GBP2: variants seen among roughly 807,000 people sequenced by gnomAD.
GBP2 encodes the protein guanylate binding protein 2.
In GBP2, 54 loss-of-function variants were observed where a neutral mutation model predicts 60.8. That is an observed-to-expected ratio of 0.89 (90% confidence interval 0.71 to 1.11). The LOEUF is 1.11. Ranked by LOEUF, GBP2 falls within the 50% of genes most tolerant of loss-of-function variation. GBP2 has a pLI of 0.00. For synonymous variants in GBP2, 243 were observed against 256.5 expected (o/e 0.95, Z 0.50); for missense variants, 665 against 703.3 (o/e 0.95, Z 0.62).
chr1:89,122,423 T>C (rs750896605), intron 1 of GBP2, among the ~76,000 whole-genome samples: 1 of 152,232 alleles, frequency 6.6e-6, no homozygotes, highest in Non-Finnish European at 1.5e-5. Flanking sequence ...TCTTTGATAG[T>C]TCCTTATTCT....
intron 8 of GBP2, among the ~76,000 whole-genome samples, chr1:89,111,590 T>G (rs1396272011): frequency 1.5e-5 from 2 of 129,168 alleles, no homozygotes; most frequent in East Asian, 4.4e-4. Flanking sequence ...TTCATGAAGA[T>G]AGAGAGTAGA....
At chr1:89,113,393 G>C (rs1282154240) in intron 7 of GBP2, among the ~76,000 whole-genome samples, 3 of 152,102 alleles carry the variant, frequency 2.0e-5, no homozygotes, top group Non-Finnish European at 4.4e-5. Context: ...TCCTCCTTAG[G>C]TTGGAAGGGT....
chr1:89,111,886 T>C (rs1235675443), intron 8 of GBP2, among the ~76,000 whole-genome samples: 1 of 152,228 alleles, frequency 6.6e-6, no homozygotes, highest in Non-Finnish European at 1.5e-5. Context: ...GTGCATTTCA[T>C]ACTTATATCA....
rs1405132709 is a variant in GBP2 at position 89,123,471 on chromosome 1, T to C, written c.-17-1488A>G. ...TTCCCCTTGTTTTTAAAATCTTTTCTCTGAGTGTGTCATTATACATAATAA... is the reference window on the plus strand; with the variant it reads ...TTCCCCTTGTTTTTAAAATCTTTTCCCTGAGTGTGTCATTATACATAATAA... On this transcript the variant is annotated intron_variant, in intron 1 of 10. Transcript: ENST00000370466. Among the ~76,000 whole-genome samples, 7 of 152,218 alleles carry C rather than the reference T, an allele frequency of 4.6e-5. No homozygotes were observed. In the East Asian group the frequency reaches 1.3e-3, roughly 29 times the overall value.
In GBP2 at chr1:89,114,261, T is replaced by C. The variant is rs201904193; in HGVS notation, c.904A>G (p.Ile302Val). Residue 302 changes from isoleucine (I) to valine (V), a missense_variant, in exon 7 of 11, where the codon ATC (isoleucine) becomes GTC (valine). Ile to Val is a conservative substitution (Grantham distance 29). Transcript: ENST00000370466. ...ATGCAGGGTAGATCCCCACTGCTGA[T>C]GGCATTGACGTAGGTCAGCACCAGG... The part of the protein sequence containing the change: ...ESLVLTYVNA[I>V]SSGDLPCMEN... 11 of 1,614,262 alleles carry C rather than the reference T, an allele frequency of 6.8e-6. No homozygotes were observed. The highest frequency in any genetic ancestry group is 3.3e-5 in the Admixed American group (2 of 60,026).
chr1:89,115,644 A>G (rs955111044), intron 6 of GBP2, among the ~76,000 whole-genome samples: 5 of 152,156 alleles, frequency 3.3e-5, no homozygotes, highest in Non-Finnish European at 5.9e-5. Flanking sequence ...CTGTCACCCA[A>G]GCTGAAGTGC....
chr1:89,117,839 T>A, intron 4 of GBP2, 66 bp from the exon 5 acceptor site: 1 of 1,263,682 alleles, frequency 7.9e-7, no homozygotes, highest in Non-Finnish European at 1.1e-6. Context: ...ATCCTAATGC[T>A]TACCTAAAAT....
intron 6 of GBP2, among the ~76,000 whole-genome samples, chr1:89,115,157 G>A (rs927033815): frequency 1.3e-5 from 2 of 152,106 alleles, no homozygotes; most frequent in African/African-American, 2.4e-5. Context: ...TGCTAAACTC[G>A]AAACGCTGGA....
At chr1:89,114,687 G>A (rs1186231946) in intron 6 of GBP2, among the ~76,000 whole-genome samples, 2 of 152,124 alleles carry the variant, frequency 1.3e-5, no homozygotes, top group Admixed American at 6.5e-5. Context: ...TCACTAGTCT[G>A]GTGTCTGGCT....
chr1:89,116,762 G>T (rs1472024311), intron 6 of GBP2, among the ~76,000 whole-genome samples: 2 of 151,598 alleles, frequency 1.3e-5, no homozygotes, highest in Non-Finnish European at 2.9e-5. Flanking sequence ...TACCATAATA[G>T]AATTCAATTC....
At chr1:89,121,748 G>C (rs765173813) in intron 2 of GBP2, 29 bp downstream of exon 2, 2 of 1,606,470 alleles carry the variant, frequency 1.2e-6, no homozygotes, top group African/African-American at 2.7e-5. Flanking sequence ...CGGACAGAAG[G>C]GGCTTAGAGC....
chr1:89,109,924 C>A, intron 9 of GBP2, 54 bp from the exon 10 acceptor site: 1 of 1,481,154 alleles, frequency 6.8e-7, no homozygotes, highest in East Asian at 2.3e-5. Context: ...GTAGGTGTTC[C>A]CTTTTCCTTT....
rs1681287782 is a variant in GBP2 at position 89,117,049 on chromosome 1, T to A, written c.811A>T (p.Ile271Phe). 2 of 1,614,084 alleles carry A rather than the reference T, an allele frequency of 1.2e-6. No individual in the cohort carries two copies. Among genetic ancestry groups the A allele is most frequent in the South Asian group, 2.2e-5 (2 of 91,084 alleles). ...IEQVAEFCSY[I>F]LSHSNVKTLS... ...GTCTTGACATTGGAATGGCTGAGGA[T>A]GTAGGAACAAAATTCTGCAACTTGT... The change falls in exon 6 of 11, where the codon ATC (isoleucine) becomes TTC (phenylalanine). Residue 271 changes from isoleucine to phenylalanine, a missense_variant. Coordinates refer to ENST00000370466, the MANE Select transcript of GBP2 (RefSeq NM_004120.5).
chr1:89,108,986 C>T (rs772598638), intron 10 of GBP2, among the ~76,000 whole-genome samples: 61 of 151,910 alleles, frequency 4.0e-4, no homozygotes, highest in Non-Finnish European at 6.5e-4. Flanking sequence ...ACCCCCGCCT[C>T]CCAGGTTCAA....
chr1:89,112,964 T>C, intron 7 of GBP2: 1 of 414,124 alleles, frequency 2.4e-6, no homozygotes, highest in Non-Finnish European at 4.4e-6. Context: ...GAAACTTTTA[T>C]CTTTCCAAGT....
chr1:89,111,038 A>C (rs1557438107), intron 8 of GBP2, among the ~76,000 whole-genome samples: 1 of 152,246 alleles, frequency 6.6e-6, no homozygotes, highest in African/African-American at 2.4e-5. Flanking sequence ...TTCTATCAAC[A>C]GAATGGACAA....
In GBP2 at chr1:89,108,143, A is replaced by G. The variant is rs1570314264; in HGVS notation, c.*32T>C. The G allele has an allele frequency of 1.7e-6, 2 of 1,196,492 alleles. No homozygotes were observed. Among genetic ancestry groups the G allele is most frequent in the Admixed American group, 1.7e-5 (1 of 58,120 alleles). 74.1% of individuals were successfully genotyped at this position (1,196,492 alleles called of 1,614,324 possible). On this transcript the variant is annotated 3_prime_UTR_variant, in exon 11 of 11. Coordinates refer to ENST00000370466, the MANE Select transcript of GBP2 (RefSeq NM_004120.5). ...TTCATGTTGTTTCTTGGGGAGAGGG[A>G]GCTGGACAGGCAAATTTTGCTCCTT...
rs1339429363 is a variant in GBP2, at chr1:89,114,065, A to G, written c.1100T>C (p.Met367Thr). ...GTCCACATCCTTGAAAGAGTTCTTC[A>G]TGAAGACTTCAATGGCCTCTCTCTC... ...DSEREAIEVFMKNSFKDVDQM... is the reference protein window; with the variant it reads ...DSEREAIEVFTKNSFKDVDQM... The change falls in exon 7 of 11, where the codon ATG (methionine) becomes ACG (threonine). Residue 367 changes from methionine (M) to threonine (T), a missense_variant. Coordinates refer to ENST00000370466, the MANE Select transcript of GBP2 (RefSeq NM_004120.5). 3.1e-6 allele frequency: 5 copies of G among 1,614,212 alleles called. No homozygotes were observed. The Admixed American group carries it at 5.0e-5, about 16-fold the overall frequency.
chr1:89,110,310 G>T, intron 8 of GBP2, 44 bp from the exon 9 acceptor site: 2 of 1,470,798 alleles, frequency 1.4e-6, no homozygotes, highest in Non-Finnish European at 1.9e-6. Flanking sequence ...AGTGATTGTG[G>T]GTTAGATCCA....
Sources: gnomAD v4.1 joint callset for allele counts (sites outside exome capture counted in the v4.1 genomes callset) on GRCh38, gnomAD v4.1.1 for gene constraint, MANE v1.5 for transcripts, NCBI Gene and HGNC (gene_info 2026-07-23, HGNC 2026-07-21) for gene names.